Variants in MVB12A observed in about 807,000 individuals in gnomAD.
MVB12A encodes multivesicular body subunit 12A.
A neutral mutation model predicts 34.3 loss-of-function variants in MVB12A; 30 were observed. That is an observed-to-expected ratio of 0.88 (90% confidence interval 0.65 to 1.19). The LOEUF is 1.19. Ranked by LOEUF, MVB12A falls within the 50% of genes most tolerant of loss-of-function variation. MVB12A has a pLI of 0.00. For missense variants in MVB12A, 355 were observed against 369.2 expected (o/e 0.96, Z 0.31); for synonymous variants, 158 against 158.9 (o/e 0.99, Z 0.04).
intron 4 of MVB12A, among the ~76,000 whole-genome samples, chr19:17,423,191 T>TA (rs895549170): frequency 0.019 from 1,979 of 106,616 alleles, 34 homozygotes; most frequent in African/African-American, 0.046. Flanking sequence ...CGTTTCTACT[T>TA]AAAAAAAAAA....
intron 2 of MVB12A, among the ~76,000 whole-genome samples, chr19:17,410,032 C>T (rs557476969): frequency 1.3e-5 from 2 of 152,238 alleles, no homozygotes; most frequent in South Asian, 4.1e-4. Context: ...ACTGCGATTA[C>T]AGCCATGAGC....
chr19:17,419,993 A>C (rs1037082675), upstream of MVB12A: 2 of 461,590 alleles, frequency 4.3e-6, no homozygotes, highest in East Asian at 3.8e-5. Context: ...GCACGCGTAT[A>C]CTGCGCTTCC....
At chr19:17,414,540 T>C (rs2145755347) in intron 2 of MVB12A, 1 of 152,458 alleles carries the variant, frequency 6.6e-6, no homozygotes, top group East Asian at 1.9e-4. Context: ...CTCCAGCCTC[T>C]TAACCAGCCC....
intron 2 of MVB12A, chr19:17,414,777 G>A (rs10420713): frequency 0.19 from 29,600 of 152,214 alleles, 3,164 homozygotes; most frequent in African/African-American, 0.29. Context: ...GCTGAGGCAG[G>A]AGAATTGCTT....
chr19:17,414,611 G>A (rs10420449), intron 2 of MVB12A: 40,329 of 152,306 alleles, frequency 0.26, 7,140 homozygotes, highest in African/African-American at 0.51. Context: ...GCTCATGCCT[G>A]TAATCCCGGC....
rs779375356 is a variant in MVB12A at position 17,424,975 on chromosome 19, GC to G, written c.810del (p.Ser271AlafsTer69). On this transcript the variant is annotated frameshift_variant, in exon 9 of 9. Transcript: ENST00000317040. LOFTEE classifies it high-confidence loss of function. ...TGGAGAAGACCGCGGCTGCCCGCCT[GC>G]CCCCCAGCGTCTCATAGTCCCTCAC... ...VVEKTAAARL[P>X]PSVS 1.2e-5 allele frequency: 19 copies of G among 1,608,748 alleles called. No homozygotes were observed. The highest frequency in any genetic ancestry group is 2.7e-5 in the African/African-American group (2 of 74,658).
intron 2 of MVB12A, among the ~76,000 whole-genome samples, chr19:17,411,981 G>A (rs748582967): frequency 1.3e-5 from 2 of 152,154 alleles, no homozygotes; most frequent in African/African-American, 2.4e-5. Context: ...GGGTGGGGGC[G>A]ATTCTGCTCC....
chr19:17,420,562 G>T lies in MVB12A; in HGVS notation c.214G>T (p.Asp72Tyr). The change falls in exon 3 of 9, where the codon GAT becomes TAT. Residue 72 changes from aspartate to tyrosine, a missense_variant. Coordinates refer to ENST00000317040, the MANE Select transcript of MVB12A (RefSeq NM_138401.4). ...GAACCCGCAGGAGAACGTGGTGGCC[G>T]ATATCCAGATCGTGGTGGACAAGAG... ...LENPQENVVA[D>Y]IQIVVDKSPL... 1.2e-6 allele frequency: 2 copies of T among 1,613,942 alleles called. No individual in the cohort carries two copies. Among genetic ancestry groups the T allele is most frequent in the Non-Finnish European group, 1.7e-6 (2 of 1,179,854 alleles).
At chr19:17,420,012 T>TCCCC (rs1652765104), upstream of MVB12A, 1 of 297,662 alleles carries the variant, frequency 3.4e-6, no homozygotes. Flanking sequence ...CCGGGCAATC[T>TCCCC]CCGCCCCCCC....
At chr19:17,424,730 G>A (rs2074859792) in intron 8 of MVB12A, 53 bp downstream of exon 8, 2 of 1,554,574 alleles carry the variant, frequency 1.3e-6, no homozygotes, top group Non-Finnish European at 1.7e-6. Context: ...GGAGGTGCCT[G>A]AGGGGCCGGC....
At chr19:17,424,755 C>T (rs959358689) in intron 8 of MVB12A, 78 bp downstream of exon 8, 24 of 1,516,786 alleles carry the variant, frequency 1.6e-5, no homozygotes, top group African/African-American at 2.8e-5. Flanking sequence ...GCCCCTCGTC[C>T]GCCCCAGGCT....
upstream of MVB12A, chr19:17,418,042 G>A (rs10404449): frequency 0.044 from 6,905 of 155,916 alleles, 388 homozygotes; most frequent in African/African-American, 0.13. Flanking sequence ...GACTATAGGC[G>A]CCTGCCACCA....
rs2074855207 is a variant in MVB12A, at chr19:17,424,034, C to T, written c.669C>T (p.His223=). Residue 223 remains histidine, a synonymous_variant, in exon 7 of 9, where the codon CAC becomes CAT. Coordinates refer to ENST00000317040, the MANE Select transcript of MVB12A (RefSeq NM_138401.4). ...TGGATGGGGTTCCCTTCACACTCCA[C>T]CCACGATTTGAGGGCAAGAGCTGCA... ...SAMDGVPFTL[H]PRFEGKSCSP... 1 of 1,614,042 alleles carries T rather than the reference C, an allele frequency of 6.2e-7. No individual in the cohort carries two copies. Among genetic ancestry groups the T allele is most frequent in the Non-Finnish European group, 8.5e-7 (1 of 1,180,044 alleles).
chr19:17,410,529 T>TATACACACACACACACACAC, intron 2 of MVB12A, among the ~76,000 whole-genome samples: 1 of 74,480 alleles, frequency 1.3e-5, no homozygotes, highest in African/African-American at 6.6e-5. Context: ...TATATATATA[T>TATACACACACACACACACAC]ACACACACAC....
chr19:17,416,227 G>T (rs962548525), upstream of MVB12A, among the ~76,000 whole-genome samples: 2 of 79,002 alleles, frequency 2.5e-5, no homozygotes, highest in Non-Finnish European at 4.2e-5. Flanking sequence ...GATTACAGGC[G>T]CATGCCACTG....
chr19:17,416,233 CACTGAGTAGCTGGGATTACAGGCGCAT>C (rs2074798883), upstream of MVB12A, among the ~76,000 whole-genome samples: 3 of 79,904 alleles, frequency 3.8e-5, no homozygotes, highest in Non-Finnish European at 6.3e-5. Context: ...AGGCGCATGC[CACTGAGTAGCTGGGATTACAGGCGCAT>C]GCCACCAAGC....
At chr19:17,407,001 T>C (rs1299064720) in intron 2 of MVB12A, among the ~76,000 whole-genome samples, 1 of 152,160 alleles carries the variant, frequency 6.6e-6, no homozygotes, top group East Asian at 1.9e-4. Context: ...TGAGCAGCAC[T>C]GTTCTGGCCT....
At chr19:17,422,514 C>G (rs1599608205) in intron 4 of MVB12A, 56 bp downstream of exon 4, 3 of 1,537,140 alleles carry the variant, frequency 2.0e-6, no homozygotes, top group Non-Finnish European at 1.8e-6. Flanking sequence ...CTCATGATCT[C>G]ACCAATCTGA....
chr19:17,423,342 T>A (rs1402637550), intron 4 of MVB12A, among the ~76,000 whole-genome samples, 156 bp from the exon 5 acceptor site: 1 of 140,036 alleles, frequency 7.1e-6, no homozygotes. Context: ...CTGGGCAACA[T>A]GAGCGAAACT....
Sources: allele counts gnomAD v4.1 joint callset (sites outside exome capture counted in the v4.1 genomes callset), GRCh38; gene constraint gnomAD v4.1.1; transcripts MANE v1.5; gene names NCBI Gene and HGNC (gene_info 2026-07-23, HGNC 2026-07-21).